PSME4: variants seen among roughly 807,000 people sequenced by gnomAD.
The protein encoded by PSME4 is proteasome activator subunit 4, also known as proteasome activator complex subunit 4.
PSME4 carries 89 observed loss-of-function variants against 253.9 expected under a neutral mutation model. The observed-to-expected ratio is 0.35, with a 90% CI of 0.30 to 0.42. The LOEUF is 0.42. Ranked by LOEUF, PSME4 falls within the 10% of genes least tolerant of loss-of-function variation. PSME4 has a pLI of 1.00. For synonymous variants in PSME4, 851 were observed against 759.2 expected, an observed-to-expected ratio of 1.12 and a Z score of -1.99; for missense variants, 2,014 against 2,195.2, an observed-to-expected ratio of 0.92 and a Z score of 1.65.
At chr2:53,916,354 A>T (rs1385397415) in intron 20 of PSME4, among the ~76,000 whole-genome samples, 1 of 152,026 alleles carries the variant, frequency 6.6e-6, no homozygotes, top group African/African-American at 2.4e-5. Flanking sequence ...CCAAACTGTT[A>T]TTAACAATAG....
chr2:53,899,853 C>T lies in PSME4; in HGVS notation c.3422+28G>A, dbSNP rs779488654. 8.7e-6 allele frequency: 14 copies of T among 1,608,042 alleles called. No homozygotes were observed. In the South Asian group the frequency reaches 1.6e-4, roughly 18 times the overall value. On this transcript the variant is annotated intron_variant, in intron 29 of 46. Coordinates refer to ENST00000404125, the MANE Select transcript of PSME4 (RefSeq NM_014614.3). ...CAAAACTTACTATCTATAATGTCAT[C>T]TATTGAAGTACACCATTCATCAATT...
chr2:53,898,398 T>G (rs1680239789), intron 29 of PSME4, 44 bp from the exon 30 acceptor site: 1 of 1,374,968 alleles, frequency 7.3e-7, no homozygotes, highest in Non-Finnish European at 1.0e-6. Context: ...AATACTAAAA[T>G]GAACATCAAA....
chr2:53,905,789 C>T (rs564694866), intron 26 of PSME4, among the ~76,000 whole-genome samples: 11 of 151,878 alleles, frequency 7.2e-5, no homozygotes, highest in African/African-American at 2.7e-4. Flanking sequence ...TGCACTGCAG[C>T]CTGGGTAACA....
intron 1 of PSME4, among the ~76,000 whole-genome samples, chr2:53,968,291 A>AT (rs1464873937): frequency 6.6e-6 from 1 of 151,736 alleles, no homozygotes; most frequent in Non-Finnish European, 1.5e-5. Context: ...AAAAAAAAAA[A>AT]GAATTATTTA....
chr2:53,895,673 T>C lies in PSME4; in HGVS notation c.3752A>G (p.Tyr1251Cys). The change falls in exon 33 of 47, where the codon TAT becomes TGT. Residue 1251 changes from tyrosine to cysteine, a missense_variant. Around this residue, in one of 4 missense-constraint regions of PSME4, gnomAD observed 989 missense variants for 1,021.1 expected, o/e 0.97. Transcript: ENST00000404125. ...GDRPDNHWLHYDSKTIPRTKK... is the reference protein window; with the variant it reads ...GDRPDNHWLHCDSKTIPRTKK... ...AGTTCTTGGTATAGTTTTGCTGTCATAATGCAACCAATGATTATCAGGCCT... is the reference window on the plus strand; with the variant it reads ...AGTTCTTGGTATAGTTTTGCTGTCACAATGCAACCAATGATTATCAGGCCT... The C allele has an allele frequency of 6.2e-7, 1 of 1,613,660 alleles. No individual in the cohort carries two copies. Among genetic ancestry groups the C allele is most frequent in the Non-Finnish European group, 8.5e-7 (1 of 1,179,786 alleles).
intron 14 of PSME4, among the ~76,000 whole-genome samples, chr2:53,924,501 T>G (rs531131577): frequency 6.6e-6 from 1 of 152,338 alleles, no homozygotes; most frequent in East Asian, 1.9e-4. Context: ...TGAAGATAAC[T>G]ACTTCTAATC....
At chr2:53,919,376 T>C in intron 19 of PSME4, 130 bp from the exon 20 acceptor site, 1 of 1,241,866 alleles carries the variant, frequency 8.1e-7, no homozygotes, top group Non-Finnish European at 1.1e-6. Context: ...ATGTCTTCAG[T>C]TTACCAACTT....
At chr2:53,867,631 C>A (rs1474510551) in intron 44 of PSME4, among the ~76,000 whole-genome samples, 1 of 145,220 alleles carries the variant, frequency 6.9e-6, no homozygotes, top group Admixed American at 7.0e-5. Flanking sequence ...TTCAAAACCA[C>A]TGCACTCCAA....
At chr2:53,876,258 T>TC (rs1439438391) in intron 41 of PSME4, among the ~76,000 whole-genome samples, 9 of 151,848 alleles carry the variant, frequency 5.9e-5, no homozygotes, top group Admixed American at 1.3e-4. Flanking sequence ...ATGCATATAT[T>TC]CCCCCCCGCA....
intron 26 of PSME4, among the ~76,000 whole-genome samples, chr2:53,904,786 A>T (rs964586729): frequency 2.6e-5 from 4 of 151,736 alleles, no homozygotes; most frequent in African/African-American, 9.7e-5. Context: ...GTCAGGAGTT[A>T]GAGACCAGCC....
chr2:53,961,389 C>T (rs1670489627), intron 1 of PSME4, among the ~76,000 whole-genome samples: 1 of 152,112 alleles, frequency 6.6e-6, no homozygotes. Flanking sequence ...GGAAGAGGCG[C>T]TAGGTGCAGT....
Position 53,914,142 on chromosome 2 carries a change from T to C in PSME4, c.2517-4012A>G, listed in dbSNP as rs181993991. Among the ~76,000 whole-genome samples, 418 of 152,336 alleles carry C rather than the reference T, an allele frequency of 2.7e-3. 6 individuals carry two copies. The highest frequency in any genetic ancestry group is 7.9e-4 in the Non-Finnish European group (54 of 68,024). On this transcript the variant is annotated intron_variant, in intron 20 of 46. Coordinates refer to ENST00000404125, the MANE Select transcript of PSME4 (RefSeq NM_014614.3). The stretch of plus-strand genomic sequence containing the variant: ...AAAGGGGACACAAAATAAAGGAATA[T>C]TTTGAGATGAAAAATGACTCCTCTA...
intron 1 of PSME4, among the ~76,000 whole-genome samples, chr2:53,954,583 A>G (rs1670149624): frequency 6.6e-6 from 1 of 152,180 alleles, no homozygotes; most frequent in African/African-American, 2.4e-5. Context: ...TCACACTTGT[A>G]GTCCCAGCAC....
At chr2:53,945,387 T>C (rs1305616644) in intron 3 of PSME4, among the ~76,000 whole-genome samples, 1 of 152,094 alleles carries the variant, frequency 6.6e-6, no homozygotes, top group Non-Finnish European at 1.5e-5. Flanking sequence ...TTCTATTGAA[T>C]AAAAAACACT....
Position 53,897,710 on chromosome 2 carries a change from G to C in PSME4, c.3606+160C>G, listed in dbSNP as rs78473670. On this transcript the variant is annotated intron_variant, in intron 31 of 46. Coordinates refer to ENST00000404125, the MANE Select transcript of PSME4 (RefSeq NM_014614.3). Reference sequence around the variant, plus strand: ...AGTGCCTAAACATGTTCATTTGTTAGATGAATCATTATCATCTCTGAATCA... The same window carrying C: ...AGTGCCTAAACATGTTCATTTGTTACATGAATCATTATCATCTCTGAATCA... 0.012 allele frequency among the ~76,000 whole-genome samples: 1,871 copies of C among 152,208 alleles called. 47 individuals are homozygous for C. The highest frequency in any genetic ancestry group is 0.043 in the African/African-American group (1,802 of 41,522).
Position 53,888,768 on chromosome 2 carries a change from C to T in PSME4, c.4341G>A (p.Leu1447=). The change falls in exon 38 of 47, where the codon CTG becomes CTA. Residue 1447 remains leucine, a synonymous_variant. Coordinates refer to ENST00000404125, the MANE Select transcript of PSME4 (RefSeq NM_014614.3). ...PRKLHWLFEL[L]LESPLSGEGG... ...CTTCACCACTCAATGGTGATTCCAA[C>T]AGCAGTTCAAAAAGCCAGTGAAGTT... 1 of 1,613,182 alleles carries T rather than the reference C, an allele frequency of 6.2e-7. No homozygotes were observed.
chr2:53,880,816 A>G (rs1679347858), intron 41 of PSME4, among the ~76,000 whole-genome samples: 1 of 152,200 alleles, frequency 6.6e-6, no homozygotes, highest in Non-Finnish European at 1.5e-5. Context: ...TAGGCATTAC[A>G]CGTGGAGTTG....
At chr2:53,936,903 T>C in intron 5 of PSME4, 76 bp from the exon 6 acceptor site, 1 of 958,052 alleles carries the variant, frequency 1.0e-6, no homozygotes, top group Non-Finnish European at 1.6e-6. Flanking sequence ...TTGTCTTTTT[T>C]ATAATCTATT....
At position 53,919,208 on chromosome 2, in the gene PSME4, C is replaced by T. The variant is rs2104449837; in HGVS notation, c.2459G>A (p.Cys820Tyr). 1 of 1,610,088 alleles carries T rather than the reference C, an allele frequency of 6.2e-7. No homozygotes were observed. Among genetic ancestry groups the T allele is most frequent in the South Asian group, 1.1e-5 (1 of 90,466 alleles). ...TAGGAGGTTTCCAGAGCCAATTAAA[C>T]AGTTGTGCACTATAGTCAGACTCTG... ...ILQSLTIVHN[C>Y]LIGSGNLLPP... is the part of the protein sequence containing the mutation. The change falls in exon 20 of 47, where the codon TGT becomes TAT. Residue 820 changes from cysteine (C) to tyrosine (Y), a missense_variant. Cys to Tyr is a radical substitution (Grantham distance 194, BLOSUM62 -2). Around this residue, in one of 4 missense-constraint regions of PSME4, gnomAD observed 989 missense variants for 1,021.1 expected, o/e 0.97. Transcript: ENST00000404125.
Sources: gnomAD v4.1 joint callset for allele counts (sites outside exome capture counted in the v4.1 genomes callset) on GRCh38, gnomAD v4.1.1 for gene constraint, gnomAD v4.1.1 regional missense constraint, MANE v1.5 for transcripts, NCBI Gene and HGNC (gene_info 2026-07-23, HGNC 2026-07-21) for gene names.